The following MARCHF8 variants were observed in gnomAD, a reference collection of about 807,000 sequenced individuals.
MARCHF8 encodes the protein E3 ubiquitin-protein ligase MARCHF8.
MARCHF8 carries 40 observed loss-of-function variants against 51.6 expected under a neutral mutation model. The ratio of observed to expected loss-of-function variants is 0.77; its 90% confidence interval spans 0.60 to 1.01. The LOEUF (loss-of-function observed/expected upper bound fraction) is 1.01, where lower values mean the gene tolerates loss of function less well. Among genes scored for constraint, MARCHF8 ranks in the 50% least tolerant of loss-of-function variants. The pLI is 0.00. For synonymous variants in MARCHF8, 263 were observed against 280.3 expected (o/e 0.94, Z 0.62); for missense variants, 685 against 708.6 (o/e 0.97, Z 0.38).
chr10:45,490,298 A>G (rs1405520574), intron 2 of MARCHF8, among the ~76,000 whole-genome samples: 2 of 152,228 alleles, frequency 1.3e-5, no homozygotes, highest in South Asian at 2.1e-4. Flanking sequence ...GATGTAATTA[A>G]GTTTACATGA....
chr10:45,570,394 T>C (rs1314068726), intron 1 of MARCHF8, among the ~76,000 whole-genome samples: 3 of 152,166 alleles, frequency 2.0e-5, no homozygotes, highest in Non-Finnish European at 4.4e-5. Flanking sequence ...TAATACCAGA[T>C]GCAATGAAAG....
chr10:45,567,534 G>A (rs2044378715), intron 1 of MARCHF8, among the ~76,000 whole-genome samples: 2 of 152,150 alleles, frequency 1.3e-5, no homozygotes, highest in Non-Finnish European at 2.9e-5. Flanking sequence ...TGAAGAGACT[G>A]TCTTTTCCCC....
chr10:45,563,529 C>T (rs979061639), intron 1 of MARCHF8, among the ~76,000 whole-genome samples: 2 of 151,872 alleles, frequency 1.3e-5, no homozygotes, highest in African/African-American at 4.8e-5. Flanking sequence ...CAAGAATAAA[C>T]CACAAAAATA....
chr10:45,499,444 T>C (rs1419700649), intron 2 of MARCHF8, among the ~76,000 whole-genome samples: 1 of 152,188 alleles, frequency 6.6e-6, no homozygotes, highest in African/African-American at 2.4e-5. Flanking sequence ...TTTGATGTAA[T>C]CTAATTTCTG....
At chr10:45,494,113 T>A (rs1303861438) in intron 2 of MARCHF8, among the ~76,000 whole-genome samples, 2 of 152,224 alleles carry the variant, frequency 1.3e-5, no homozygotes, top group Non-Finnish European at 2.9e-5. Context: ...AAACAAAGTT[T>A]TCTTAATGTG....
At chr10:45,538,298 A>G (rs1157093707), upstream of MARCHF8, among the ~76,000 whole-genome samples, 1 of 152,230 alleles carries the variant, frequency 6.6e-6, no homozygotes, top group Non-Finnish European at 1.5e-5. Flanking sequence ...GGCCTGCCCT[A>G]AAAGAGCTCC....
chr10:45,574,538 G>C (rs1030325880), intron 1 of MARCHF8, among the ~76,000 whole-genome samples: 5 of 151,876 alleles, frequency 3.3e-5, no homozygotes, highest in African/African-American at 1.2e-4. Flanking sequence ...CACCCATCAG[G>C]CTCAGCAAAT....
chr10:45,469,753 T>A (rs1387941626), intron 3 of MARCHF8, among the ~76,000 whole-genome samples: 2 of 149,946 alleles, frequency 1.3e-5, no homozygotes, highest in African/African-American at 4.9e-5. Flanking sequence ...TAGTCCCAGC[T>A]ACTCGGGAGG....
intron 2 of MARCHF8, among the ~76,000 whole-genome samples, chr10:45,504,859 C>T (rs959612733): frequency 1.3e-5 from 2 of 152,118 alleles, no homozygotes; most frequent in Admixed American, 6.5e-5. Context: ...CTAGTATTTC[C>T]CTTACTGCGT....
In MARCHF8 at chr10:45,535,314, T is replaced by C. The variant is rs143102296; in HGVS notation, c.-182A>G. 1.7e-3 allele frequency: 259 copies of C among 152,348 alleles called. No individual in the cohort carries two copies. The highest frequency in any genetic ancestry group is 6.1e-3 in the African/African-American group (253 of 41,580). 9.4% of individuals were successfully genotyped at this position (152,348 alleles called of 1,614,324 possible). ...CCTCTATTACAGATGACAAACTCCA[T>C]GGGGCCTCTTGGAATACTTGGTCAA... is the stretch of plus-strand genomic sequence containing the variant. On this transcript the variant is annotated 5_prime_UTR_variant, in exon 1 of 8. An upstream start codon of the reference 5' UTR is lost. Transcript: ENST00000453424.
At chr10:45,531,423 A>C (rs976879797) in intron 2 of MARCHF8, among the ~76,000 whole-genome samples, 3 of 152,228 alleles carry the variant, frequency 2.0e-5, no homozygotes, top group Non-Finnish European at 4.4e-5. Flanking sequence ...CTGAGTAAAC[A>C]GATCTTTATT....
upstream of MARCHF8, among the ~76,000 whole-genome samples, chr10:45,537,395 A>G (rs775638972): frequency 3.3e-5 from 5 of 152,320 alleles, no homozygotes; most frequent in East Asian, 9.6e-4. Flanking sequence ...GTTCGCGCCT[A>G]TAACACCAGC....
At chr10:45,490,770 T>C (rs2133090848) in intron 2 of MARCHF8, among the ~76,000 whole-genome samples, 1 of 152,376 alleles carries the variant, frequency 6.6e-6, no homozygotes, top group Middle Eastern at 3.4e-3. Context: ...ATTTCCTTGC[T>C]CTGTCACCTA....
chr10:45,480,443 C>G (rs1239383775), intron 3 of MARCHF8, among the ~76,000 whole-genome samples: 2 of 152,120 alleles, frequency 1.3e-5, no homozygotes, highest in Non-Finnish European at 2.9e-5. Flanking sequence ...TCTTTGCTGG[C>G]AGCCCCTCCC....
intron 2 of MARCHF8, among the ~76,000 whole-genome samples, chr10:45,526,407 C>T (rs1296090558): frequency 6.6e-6 from 1 of 152,138 alleles, no homozygotes; most frequent in Non-Finnish European, 1.5e-5. Context: ...TGGGAGACCC[C>T]CTTGACCCTC....
chr10:45,540,079 C>G (rs966903411), upstream of MARCHF8, among the ~76,000 whole-genome samples: 1 of 152,206 alleles, frequency 6.6e-6, no homozygotes, highest in African/African-American at 2.4e-5. Flanking sequence ...ACATTCCATG[C>G]TCATGGGTAG....
At chr10:45,564,856 T>C (rs1258083198) in intron 1 of MARCHF8, among the ~76,000 whole-genome samples, 1 of 151,686 alleles carries the variant, frequency 6.6e-6, no homozygotes, top group Non-Finnish European at 1.5e-5. Flanking sequence ...CAAAGAGAAC[T>C]ATCAGCCCAG....
At chr10:45,511,967 G>A (rs532675953) in intron 2 of MARCHF8, among the ~76,000 whole-genome samples, 13 of 150,976 alleles carry the variant, frequency 8.6e-5, no homozygotes, top group East Asian at 2.0e-4. Context: ...AGTGAGGAGC[G>A]TCTCTGCCCG....
chr10:45,455,035 A>G lies in MARCHF8; in HGVS notation c.*3204T>C, dbSNP rs556678888. ...TATTTGCCTTCAGCCACATCCAGAG[A>G]CTTGTGGATCTCACCCGGTTGGTCC... On this transcript the variant is annotated 3_prime_UTR_variant, in exon 8 of 8. Coordinates refer to ENST00000453424, the MANE Select transcript of MARCHF8 (RefSeq NM_001282866.2). 6.6e-6 allele frequency: 1 copy of G among 152,354 alleles called. No homozygotes were observed. Among genetic ancestry groups the G allele is most frequent in the African/African-American group, 2.4e-5 (1 of 41,580 alleles). 9.4% of individuals were successfully genotyped at this position (152,354 alleles called of 1,614,324 possible).
Sources: allele counts gnomAD v4.1 joint callset (sites outside exome capture counted in the v4.1 genomes callset), GRCh38; gene constraint gnomAD v4.1.1; transcripts MANE v1.5; gene names NCBI Gene and HGNC (gene_info 2026-07-23, HGNC 2026-07-21).